FRRS1: variants seen among roughly 807,000 people sequenced by gnomAD.
FRRS1 encodes the protein ferric chelate reductase 1.
FRRS1 carries 51 observed loss-of-function variants against 70.7 expected under a neutral mutation model. The observed-to-expected ratio is 0.72, with a 90% CI of 0.58 to 0.91. The LOEUF is 0.91. FRRS1 is among the 40% of genes least tolerant of loss of function. The probability of loss-of-function intolerance (pLI) is 0.00; values close to 1 mark genes in which losing one functional copy is unlikely to be tolerated. For synonymous variants in FRRS1, 225 were observed against 238.7 expected, an observed-to-expected ratio of 0.94 and a Z score of 0.53; for missense variants, 672 against 726.0, an observed-to-expected ratio of 0.93 and a Z score of 0.86.
intron 12 of FRRS1, among the ~76,000 whole-genome samples, chr1:99,714,638 A>T (rs1423439081): frequency 6.6e-6 from 1 of 152,240 alleles, no homozygotes; most frequent in African/African-American, 2.4e-5. Flanking sequence ...GATGACAGTG[A>T]CAAGTGTTGG....
At chr1:99,742,336 C>A (rs1475618307) in intron 4 of FRRS1, 63 bp from the exon 5 acceptor site, 1 of 1,011,284 alleles carries the variant, frequency 9.9e-7, no homozygotes, top group African/African-American at 1.6e-5. Flanking sequence ...GCTGGAACTT[C>A]TATCATTTTG....
chr1:99,760,609 C>G (rs1159298717), intron 1 of FRRS1, among the ~76,000 whole-genome samples: 1 of 152,110 alleles, frequency 6.6e-6, no homozygotes, highest in Non-Finnish European at 1.5e-5. Flanking sequence ...CATTCAATAC[C>G]AATTTAAGAT....
intron 5 of FRRS1, among the ~76,000 whole-genome samples, chr1:99,741,847 C>T (rs777897431): frequency 1.9e-4 from 29 of 152,110 alleles, no homozygotes; most frequent in Non-Finnish European, 3.7e-4. Context: ...TGTGACAGGT[C>T]CTGTGCTAGG....
In FRRS1 at chr1:99,740,798, T is replaced by C; in HGVS notation, c.571A>G (p.Lys191Glu). The C allele has an allele frequency of 1.2e-6, 2 of 1,607,082 alleles. No individual in the cohort carries two copies. Among genetic ancestry groups the C allele is most frequent in the Non-Finnish European group, 1.7e-6 (2 of 1,173,556 alleles). Residue 191 changes from lysine (K) to glutamate (E), a missense_variant, in exon 6 of 17, where the codon AAA becomes GAA. Lys to Glu is a moderately conservative substitution (Grantham distance 56). Transcript: ENST00000646001. ...PTLPPVSHLT[K>E]PFSASDCGNK... is the part of the protein sequence containing the mutation. ...AAAATAAAATTGTTACTTACTGGTT[T>C]GGTTAAGTGGGAAACGGGAGGTAAC...
intron 4 of FRRS1, among the ~76,000 whole-genome samples, chr1:99,743,379 C>A (rs1248551871): frequency 2.0e-5 from 3 of 151,810 alleles, no homozygotes; most frequent in Non-Finnish European, 2.9e-5. Context: ...GATTTTTTTT[C>A]AATATATATA....
chr1:99,762,067 T>C (rs1657133684), intron 1 of FRRS1, among the ~76,000 whole-genome samples: 1 of 152,228 alleles, frequency 6.6e-6, no homozygotes, highest in African/African-American at 2.4e-5. Flanking sequence ...TGGCCTACTT[T>C]GTGAGGTTTT....
chr1:99,722,060 A>G (rs755628692), intron 9 of FRRS1, among the ~76,000 whole-genome samples: 1 of 151,528 alleles, frequency 6.6e-6, no homozygotes, highest in East Asian at 1.9e-4. Flanking sequence ...TCCAGGCTGG[A>G]GTGCAGTGGT....
At chr1:99,735,371 T>A (rs1655599358) in intron 7 of FRRS1, among the ~76,000 whole-genome samples, 1 of 152,170 alleles carries the variant, frequency 6.6e-6, no homozygotes, top group South Asian at 2.1e-4. Context: ...ACCAAAATAA[T>A]TGCTAACATT....
chr1:99,745,428 A>C (rs4908014), intron 4 of FRRS1, among the ~76,000 whole-genome samples: 1 of 151,962 alleles, frequency 6.6e-6, no homozygotes, highest in East Asian at 1.9e-4. Context: ...TCATGCATGT[A>C]ATCCCAGTGC....
rs1421566229 is a variant in FRRS1 at position 99,705,534 on chromosome 1, C to T, written c.*3494G>A. Among the ~76,000 whole-genome samples, 6 of 152,142 alleles carry T rather than the reference C, an allele frequency of 3.9e-5. No individual in the cohort carries two copies. Among genetic ancestry groups the T allele is most frequent in the African/African-American group, 1.4e-4 (6 of 41,422 alleles). On this transcript the variant is annotated 3_prime_UTR_variant, in exon 17 of 17. Transcript: ENST00000646001. ...GAATTTCAGCCAAACACTACATGTGCCCTGAGAGCTTCCTAGTTGGCATCT... is the reference window on the plus strand; with the variant it reads ...GAATTTCAGCCAAACACTACATGTGTCCTGAGAGCTTCCTAGTTGGCATCT...
Position 99,748,995 on chromosome 1 carries a change from TCCTTA to T in FRRS1, c.-104_-100del. 2.6e-6 allele frequency: 1 copy of T among 391,458 alleles called. No individual in the cohort carries two copies. Among genetic ancestry groups the T allele is most frequent in the Non-Finnish European group, 4.5e-6 (1 of 220,770 alleles). The allele number at this position is 391,458 out of a possible 1,614,324, so 24.2% of individuals were successfully genotyped here. On this transcript the variant is annotated splice_region_variant and 5_prime_UTR_variant, in exon 2 of 17. Transcript: ENST00000646001. ...TGGGCAAATCATTTAATCCTCCACT[TCCTTA>T]CCTGAAAAATAAGGAAACAAAGATC...
chr1:99,728,731 T>G, intron 8 of FRRS1, 91 bp from the exon 9 acceptor site: 1 of 1,084,626 alleles, frequency 9.2e-7, no homozygotes, highest in South Asian at 1.8e-5. Flanking sequence ...TCAGTTTCCT[T>G]TCTCTAAGAT....
At chr1:99,751,049 T>C (rs1039425316) in intron 1 of FRRS1, among the ~76,000 whole-genome samples, 3 of 152,096 alleles carry the variant, frequency 2.0e-5, no homozygotes, top group Non-Finnish European at 2.9e-5. Context: ...CTCACCAAAG[T>C]GGGTAGGTAT....
chr1:99,747,450 GT>G lies in FRRS1; in HGVS notation c.197-21del, dbSNP rs777858837. The stretch of plus-strand genomic sequence containing the variant: ...AAGTAACTGAGAAAAAGACAAAAGG[GT>G]TGGTTAAAAAGCTTAGTAATATCAA... On this transcript the variant is annotated intron_variant, in intron 3 of 16. Coordinates refer to ENST00000646001, the MANE Select transcript of FRRS1 (RefSeq NM_001361041.2). The G allele has an allele frequency of 6.2e-7, 1 of 1,603,336 alleles. No homozygotes were observed. The highest frequency in any genetic ancestry group is 8.5e-7 in the Non-Finnish European group (1 of 1,176,544).
chr1:99,745,723 G>T (rs1037745294), intron 4 of FRRS1, among the ~76,000 whole-genome samples: 3 of 151,828 alleles, frequency 2.0e-5, no homozygotes, highest in Non-Finnish European at 4.4e-5. Flanking sequence ...ATATAGTTTG[G>T]ATATTTGTCC....
At chr1:99,723,629 A>G (rs1281740846) in intron 9 of FRRS1, among the ~76,000 whole-genome samples, 1 of 152,250 alleles carries the variant, frequency 6.6e-6, no homozygotes, top group East Asian at 1.9e-4. Context: ...ATGTTCTATC[A>G]AAACTCACAA....
At chr1:99,740,720 T>C (rs1655912201) in intron 6 of FRRS1, 73 bp downstream of exon 6, 2 of 1,015,052 alleles carry the variant, frequency 2.0e-6, no homozygotes, top group Non-Finnish European at 3.1e-6. Context: ...TCACTTGAGC[T>C]CAGGAGTTCG....
At chr1:99,713,281 A>G (rs1379814212) in intron 12 of FRRS1, among the ~76,000 whole-genome samples, 1 of 152,248 alleles carries the variant, frequency 6.6e-6, no homozygotes, top group African/African-American at 2.4e-5. Flanking sequence ...CCAGGATTTG[A>G]ATCCAAGGAA....
chr1:99,754,802 A>G (rs1322542078), intron 1 of FRRS1, among the ~76,000 whole-genome samples: 1 of 152,182 alleles, frequency 6.6e-6, no homozygotes, highest in Non-Finnish European at 1.5e-5. Flanking sequence ...ACGTAAACAA[A>G]TCCCTCACTA....
Sources: gnomAD v4.1 joint callset for allele counts (sites outside exome capture counted in the v4.1 genomes callset) on GRCh38, gnomAD v4.1.1 for gene constraint, MANE v1.5 for transcripts, NCBI Gene and HGNC (gene_info 2026-07-23, HGNC 2026-07-21) for gene names.